The following ZBTB20 variants were observed in gnomAD, a reference collection of about 807,000 sequenced individuals.
ZBTB20 encodes zinc finger and BTB domain-containing protein 20.
ZBTB20 carries 9 observed loss-of-function variants against 56.9 expected under a neutral mutation model. The ratio of observed to expected loss-of-function variants is 0.16; its 90% CI spans 0.10 to 0.28. The LOEUF (loss-of-function observed/expected upper bound fraction) is 0.28, where lower values mean the gene tolerates loss of function less well. Ranked by LOEUF, ZBTB20 falls within the 10% of genes least tolerant of loss-of-function variation. The pLI, the probability that ZBTB20 is intolerant of heterozygous loss-of-function variation, is 1.00. For synonymous variants in ZBTB20, 417 were observed against 420.7 expected (o/e 0.99, Z 0.11); for missense variants, 655 against 1,003.0 (o/e 0.65, Z 4.69).
chr3:114,443,240 C>T (rs2091044985), intron 7 of ZBTB20, among the ~76,000 whole-genome samples: 1 of 152,156 alleles, frequency 6.6e-6, no homozygotes, highest in South Asian at 2.1e-4. Flanking sequence ...ATAACAGATG[C>T]AACCAAAATT....
At chr3:114,629,245 A>G (rs1321282860) in intron 6 of ZBTB20, among the ~76,000 whole-genome samples, 1 of 152,154 alleles carries the variant, frequency 6.6e-6, no homozygotes, top group Non-Finnish European at 1.5e-5. Context: ...GATGATAATA[A>G]TATCCACTTC....
intron 7 of ZBTB20, among the ~76,000 whole-genome samples, chr3:114,448,535 T>TA (rs1381893845): frequency 3.3e-5 from 5 of 152,088 alleles, no homozygotes; most frequent in African/African-American, 7.2e-5. Context: ...GATTGCAGGT[T>TA]AAAAAATCTC....
chr3:114,895,229 C>A (rs1490360291), intron 4 of ZBTB20, among the ~76,000 whole-genome samples: 1 of 152,098 alleles, frequency 6.6e-6, no homozygotes, highest in Non-Finnish European at 1.5e-5. Context: ...CCTTACACAG[C>A]GATTTATGCA....
chr3:114,889,114 GT>G (rs746584353), intron 4 of ZBTB20, among the ~76,000 whole-genome samples: 13 of 151,992 alleles, frequency 8.6e-5, no homozygotes, highest in Admixed American at 1.3e-4. Context: ...ATATGAATGT[GT>G]GAAATATCTA....
At chr3:114,846,861 G>A (rs1386465194) in intron 4 of ZBTB20, among the ~76,000 whole-genome samples, 2 of 152,104 alleles carry the variant, frequency 1.3e-5, no homozygotes. Flanking sequence ...TCCACCATAA[G>A]TGTATTCATT....
At position 114,817,203 on chromosome 3, in the gene ZBTB20, AC is replaced by A. The variant is rs1263093508; in HGVS notation, c.-416-16030del. On this transcript the variant is annotated intron_variant, in intron 4 of 11. Coordinates refer to ENST00000675478, the MANE Select transcript of ZBTB20 (RefSeq NM_001348800.3). ...ATTTATACAACTTATACACACACAC[AC>A]ACACACACACACACACACACACACA... Among the ~76,000 whole-genome samples, 4 of 151,132 alleles carry A rather than the reference AC, an allele frequency of 2.6e-5. No individual in the cohort carries two copies. The East Asian group carries it at 5.9e-4, about 22-fold the overall frequency.
chr3:114,895,911 G>T (rs532235402), intron 4 of ZBTB20, among the ~76,000 whole-genome samples: 19 of 152,238 alleles, frequency 1.2e-4, no homozygotes, highest in African/African-American at 3.6e-4. Context: ...CTGAATAATG[G>T]AGCTAGACTT....
chr3:114,494,598 A>G (rs2043081313), intron 7 of ZBTB20, among the ~76,000 whole-genome samples: 1 of 152,222 alleles, frequency 6.6e-6, no homozygotes, highest in Non-Finnish European at 1.5e-5. Flanking sequence ...GGTAGGTAGA[A>G]CTGATCTATC....
intron 4 of ZBTB20, among the ~76,000 whole-genome samples, chr3:114,812,341 G>C (rs749086593): frequency 6.6e-6 from 1 of 152,142 alleles, no homozygotes; most frequent in Non-Finnish European, 1.5e-5. Flanking sequence ...TGGATACAGA[G>C]TGTCCACACA....
intron 2 of ZBTB20, among the ~76,000 whole-genome samples, chr3:115,039,453 T>C (rs1249122573): frequency 1.3e-5 from 2 of 151,920 alleles, no homozygotes; most frequent in Non-Finnish European, 2.9e-5. Flanking sequence ...CAACTCAAAG[T>C]AAATAAGAAC....
intron 4 of ZBTB20, among the ~76,000 whole-genome samples, chr3:114,892,710 T>G (rs2076864129): frequency 6.6e-6 from 1 of 152,172 alleles, no homozygotes; most frequent in African/African-American, 2.4e-5. Context: ...CTACAGCTGC[T>G]TCAAACTGAT....
At chr3:114,868,315 G>A (rs181458117) in intron 4 of ZBTB20, among the ~76,000 whole-genome samples, 25 of 152,138 alleles carry the variant, frequency 1.6e-4, no homozygotes, top group African/African-American at 6.0e-4. Flanking sequence ...TTCCCCAAGC[G>A]GATAAAAAGC....
At chr3:114,383,001 T>C (rs1004225927) in intron 8 of ZBTB20, among the ~76,000 whole-genome samples, 1 of 152,220 alleles carries the variant, frequency 6.6e-6, no homozygotes, top group Non-Finnish European at 1.5e-5. Context: ...CATTCAATAA[T>C]TGATTGTGGA....
chr3:114,983,506 C>T (rs1489756897), intron 2 of ZBTB20, among the ~76,000 whole-genome samples: 4 of 151,942 alleles, frequency 2.6e-5, no homozygotes, highest in East Asian at 1.9e-4. Flanking sequence ...GTTGAAAAAG[C>T]TGATGAAAGC....
intron 2 of ZBTB20, among the ~76,000 whole-genome samples, chr3:114,990,859 T>A (rs529445857): frequency 7.9e-5 from 12 of 152,342 alleles, no homozygotes; most frequent in African/African-American, 2.9e-4. Context: ...CAGGAATTTA[T>A]CCATTTCTGC....
chr3:114,383,605 A>G (rs573008267), intron 8 of ZBTB20: 77 of 152,226 alleles, frequency 5.1e-4, no homozygotes, highest in African/African-American at 1.8e-3. Context: ...GTCTTATATC[A>G]CTTTACTTAC....
chr3:114,674,734 T>A (rs2061533149), intron 6 of ZBTB20, among the ~76,000 whole-genome samples: 1 of 152,184 alleles, frequency 6.6e-6, no homozygotes, highest in Admixed American at 6.5e-5. Context: ...TTTCTTTGCA[T>A]GAAGTAGTAA....
intron 4 of ZBTB20, among the ~76,000 whole-genome samples, chr3:114,848,677 C>T (rs529832233): frequency 2.0e-5 from 3 of 152,190 alleles, no homozygotes; most frequent in African/African-American, 7.2e-5. Context: ...GGTTACTTTA[C>T]TTTGGGACCT....
intron 1 of ZBTB20, among the ~76,000 whole-genome samples, chr3:115,114,753 G>C (rs1203651772): frequency 1.3e-5 from 2 of 151,966 alleles, no homozygotes; most frequent in African/African-American, 4.8e-5. Context: ...CATAACCACA[G>C]GTCCTTCAAA....
Sources: gnomAD v4.1 joint callset for allele counts (sites outside exome capture counted in the v4.1 genomes callset) on GRCh38, gnomAD v4.1.1 for gene constraint, MANE v1.5 for transcripts, NCBI Gene and HGNC (gene_info 2026-07-23, HGNC 2026-07-21) for gene names.